CCZ1: variants seen among roughly 807,000 people sequenced by gnomAD.
CCZ1 encodes the protein CCZ1 vacuolar protein trafficking and biogenesis associated, also known as vacuolar fusion protein CCZ1 homolog.
A neutral mutation model predicts 57.8 loss-of-function variants in CCZ1; 19 were observed. The observed-to-expected ratio is 0.33, with a 90% CI of 0.23 to 0.48. The LOEUF (loss-of-function observed/expected upper bound fraction) is 0.48. Ranked by LOEUF, CCZ1 falls within the 20% of genes least tolerant of loss-of-function variation. The pLI, the probability that CCZ1 is intolerant of heterozygous loss-of-function variation, is 0.99. For missense variants in CCZ1, 200 were observed against 492.0 expected (o/e 0.41, Z 5.61); for synonymous variants, 81 against 167.0 (o/e 0.49, Z 3.97).
intron 9 of CCZ1, among the ~76,000 whole-genome samples, chr7:5,912,279 A>C (rs1298774101): frequency 7.3e-6 from 1 of 136,806 alleles, no homozygotes; most frequent in Non-Finnish European, 1.5e-5. Context: ...TGGTAAAGAT[A>C]ATATGGACAT....
intron 10 of CCZ1, among the ~76,000 whole-genome samples, chr7:5,913,756 G>C (rs1241682770): frequency 1.4e-5 from 2 of 138,900 alleles, no homozygotes; most frequent in African/African-American, 5.2e-5. Context: ...TGGAAAGGTG[G>C]GGAAGGGAAG....
intron 12 of CCZ1, among the ~76,000 whole-genome samples, chr7:5,922,895 G>A (rs2128615609): frequency 6.6e-6 from 1 of 150,542 alleles, no homozygotes; most frequent in Middle Eastern, 3.4e-3. Flanking sequence ...CCAATAATAA[G>A]TATCTCAGAT....
chr7:5,926,178 TGG>T lies in CCZ1; in HGVS notation c.*497_*498del, dbSNP rs200746755. 316,543 of 452,494 alleles carry T rather than the reference TGG, an allele frequency of 0.7. 98,551 individuals carry two copies. The highest frequency in any genetic ancestry group is 0.9 in the East Asian group (26,259 of 29,234). The allele number at this position is 452,494 out of a possible 1,614,324, so 28.0% of individuals were successfully genotyped here. A position where few individuals can be genotyped will look rare whatever the true frequency, so the allele number is the denominator to read the frequency against. ...GGCTGATGTTTTAATTTTGCAGAGATGGGGGGGTCTCACTATGTTGCCCAGGC... is the reference window on the plus strand; with the variant it reads ...GGCTGATGTTTTAATTTTGCAGAGATGGGGGTCTCACTATGTTGCCCAGGC... On this transcript the variant is annotated 3_prime_UTR_variant, in exon 15 of 15. Coordinates refer to ENST00000325974, the MANE Select transcript of CCZ1 (RefSeq NM_015622.6).
chr7:5,917,702 GGCGCACCACC>G (rs1779167782), intron 10 of CCZ1: 1 of 38,868 alleles, frequency 2.6e-5, no homozygotes, highest in Non-Finnish European at 5.3e-5. Context: ...TGGGATTATA[GGCGCACCACC>G]ACGCCCGGCT....
chr7:5,903,714 C>T (rs1781736485), intron 6 of CCZ1, among the ~76,000 whole-genome samples: 1 of 147,494 alleles, frequency 6.8e-6, no homozygotes, highest in African/African-American at 2.6e-5. Flanking sequence ...GCACTCTTGG[C>T]TGGGTGTGGT....
intron 10 of CCZ1, among the ~76,000 whole-genome samples, chr7:5,914,822 G>A (rs2128613585): frequency 6.9e-6 from 1 of 144,142 alleles, no homozygotes; most frequent in African/African-American, 2.6e-5. Context: ...GTTGCAGTGA[G>A]CTGAGCTTAC....
intron 5 of CCZ1, chr7:5,902,333 T>C: frequency 4.1e-6 from 1 of 241,464 alleles, no homozygotes; most frequent in Non-Finnish European, 7.8e-6. Context: ...AGTTTGGTGA[T>C]TCCATTTATT....
intron 7 of CCZ1, 83 bp downstream of exon 7, chr7:5,905,352 A>G: frequency 1.3e-6 from 1 of 773,590 alleles, no homozygotes. Flanking sequence ...ACAGGTTGTC[A>G]AACAGGAACT....
At chr7:5,899,334 G>GT (rs1562536429) in intron 1 of CCZ1, among the ~76,000 whole-genome samples, 238 of 12,518 alleles carry the variant, frequency 0.019, 8 homozygotes, top group Middle Eastern at 0.056. Context: ...TCGGGAGGGG[G>GT]GTGTGTGTGT....
intron 8 of CCZ1, among the ~76,000 whole-genome samples, chr7:5,911,448 G>A (rs1243691217): frequency 1.4e-5 from 2 of 141,064 alleles, no homozygotes; most frequent in African/African-American, 5.2e-5. Flanking sequence ...GACTACAGGT[G>A]TGTGCCACCA....
intron 12 of CCZ1, among the ~76,000 whole-genome samples, chr7:5,920,705 C>T (rs1232463286): frequency 7.2e-6 from 1 of 138,410 alleles, no homozygotes; most frequent in Non-Finnish European, 1.6e-5. Flanking sequence ...CTCCTGACCT[C>T]AAGTGATCCA....
intron 7 of CCZ1, among the ~76,000 whole-genome samples, chr7:5,905,775 T>TTTTTTTTTTTTTTTTTTTTTTTG (rs1451891497): frequency 5.4e-5 from 4 of 74,624 alleles, no homozygotes; most frequent in African/African-American, 1.1e-4. Context: ...AGAGAGACTC[T>TTTTTTTTTTTTTTTTTTTTTTTG]GTCTCCAAAA....
intron 14 of CCZ1, among the ~76,000 whole-genome samples, chr7:5,925,361 T>TG (rs1173575539): frequency 8.1e-6 from 1 of 123,338 alleles, no homozygotes; most frequent in Admixed American, 8.0e-5. Flanking sequence ...TAGCAGGGCG[T>TG]GGTGGTGTGC....
intron 6 of CCZ1, among the ~76,000 whole-genome samples, chr7:5,903,414 C>T (rs2906500): frequency 0.21 from 30,418 of 143,080 alleles, 3,071 homozygotes; most frequent in Admixed American, 0.33. Context: ...CCAACTCGCC[C>T]AGCCTAGTTT....
intron 7 of CCZ1, among the ~76,000 whole-genome samples, chr7:5,909,187 A>G (rs1356021466): frequency 2.0e-5 from 3 of 147,880 alleles, no homozygotes; most frequent in Non-Finnish European, 3.0e-5. Flanking sequence ...ATAAAGTTCC[A>G]GTGCCTGGAC....
intron 3 of CCZ1, 133 bp downstream of exon 3, chr7:5,900,699 A>G (rs895624682): frequency 2.8e-6 from 4 of 1,420,656 alleles, no homozygotes; most frequent in Non-Finnish European, 3.7e-6. Flanking sequence ...TTGCAATTTT[A>G]AAATCAAGTT....
intron 12 of CCZ1, among the ~76,000 whole-genome samples, chr7:5,922,927 C>A (rs1190568817): frequency 2.0e-5 from 3 of 150,340 alleles, no homozygotes; most frequent in African/African-American, 7.5e-5. Context: ...TATGTAGATA[C>A]GTGTTAAAAC....
At chr7:5,902,447 T>G in intron 5 of CCZ1, 2 of 846,198 alleles carry the variant, frequency 2.4e-6, no homozygotes. Flanking sequence ...CTAGAGCAAT[T>G]AGGTGGTTTC....
At chr7:5,911,211 C>G (rs1292759226) in intron 8 of CCZ1, among the ~76,000 whole-genome samples, 1 of 149,182 alleles carries the variant, frequency 6.7e-6, no homozygotes, top group Non-Finnish European at 1.5e-5. Flanking sequence ...CTGCAGAGAA[C>G]TTTTAAATGA....
Sources: allele counts gnomAD v4.1 joint callset (sites outside exome capture counted in the v4.1 genomes callset), GRCh38; gene constraint gnomAD v4.1.1; transcripts MANE v1.5; gene names NCBI Gene and HGNC (gene_info 2026-07-23, HGNC 2026-07-21).